SULT1C2: variants seen among roughly 807,000 people sequenced by gnomAD.
SULT1C2 encodes sulfotransferase 1C2.
A neutral mutation model predicts 36.0 loss-of-function variants in SULT1C2; 27 were observed. The observed-to-expected ratio is 0.75, with a 90% confidence interval of 0.55 to 1.03. SULT1C2 has a LOEUF of 1.03. Among genes scored for constraint, SULT1C2 ranks in the 50% least tolerant of loss-of-function variants. SULT1C2 has a pLI of 0.00. For synonymous variants in SULT1C2, 121 were observed against 116.0 expected (o/e 1.04, Z -0.27); for missense variants, 395 against 359.2 (o/e 1.10, Z -0.80).
chr2:108,304,767 C>G (rs1476811088), intron 5 of SULT1C2, 67 bp downstream of exon 5: 1 of 1,550,024 alleles, frequency 6.5e-7, no homozygotes, highest in Non-Finnish European at 8.7e-7. Context: ...GAACCACAGG[C>G]AGCATTTTAT....
At position 108,300,891 on chromosome 2, in the gene SULT1C2, T is replaced by C. The variant is rs1397747853; in HGVS notation, c.331T>C (p.Ser111Pro). ...TCCACGGATACTAAAGACTCACCTT[T>C]CCACTCAGCTGCTGCCACCGTCTTT... is the stretch of plus-strand genomic sequence containing the variant. ...PSPRILKTHL[S>P]TQLLPPSFWE... is the part of the protein sequence containing the mutation. The change falls in exon 4 of 8, where the codon TCC becomes CCC. Residue 111 changes from serine to proline, a missense_variant. Physicochemically the swap from Ser to Pro is moderately conservative, Grantham distance 74 (BLOSUM62 -1). Transcript: ENST00000251481. 1.2e-6 allele frequency: 2 copies of C among 1,614,100 alleles called. No individual in the cohort carries two copies. The highest frequency in any genetic ancestry group is 2.2e-5 in the South Asian group (2 of 91,072).
At chr2:108,297,712 G>C (rs1676770886) in intron 3 of SULT1C2, among the ~76,000 whole-genome samples, 1 of 152,134 alleles carries the variant, frequency 6.6e-6, no homozygotes, top group African/African-American at 2.4e-5. Flanking sequence ...CGAGGGTGTG[G>C]GGGGGCAGAA....
At chr2:108,295,727 T>C (rs979869529) in intron 3 of SULT1C2, among the ~76,000 whole-genome samples, 3 of 152,240 alleles carry the variant, frequency 2.0e-5, no homozygotes, top group Non-Finnish European at 2.9e-5. Flanking sequence ...ATCTACGTGT[T>C]AGCTATCTTT....
chr2:108,299,874 A>G (rs1676829028), intron 3 of SULT1C2: 1 of 152,248 alleles, frequency 6.6e-6, no homozygotes, highest in Non-Finnish European at 1.5e-5. Flanking sequence ...GTGGATATAC[A>G]ATGGAACATT....
chr2:108,298,729 C>A (rs1676801062), intron 3 of SULT1C2: 1 of 305,726 alleles, frequency 3.3e-6, no homozygotes, highest in Non-Finnish European at 6.4e-6. Context: ...TATTAGGTAC[C>A]CAATAACTGA....
At chr2:108,293,537 T>C (rs114944675) in intron 1 of SULT1C2, 110 bp from the exon 2 acceptor site, 11,642 of 995,228 alleles carry the variant, frequency 0.012, 96 homozygotes, top group Middle Eastern at 0.03. Flanking sequence ...AATGTGAATG[T>C]ACTTAATGCC....
At chr2:108,292,712 G>A (rs1342483167) in intron 1 of SULT1C2, among the ~76,000 whole-genome samples, 1 of 152,182 alleles carries the variant, frequency 6.6e-6, no homozygotes, top group Non-Finnish European at 1.5e-5. Flanking sequence ...GGAAGATGCT[G>A]TAACATTTCC....
intron 4 of SULT1C2, 70 bp from the exon 5 acceptor site, chr2:108,304,504 T>C (rs2104422937): frequency 1.3e-6 from 2 of 1,516,158 alleles, no homozygotes; most frequent in Non-Finnish European, 1.8e-6. Flanking sequence ...AGGATGGCTC[T>C]GCCTAAGGGA....
chr2:108,305,538 C>A lies in SULT1C2; in HGVS notation c.721C>A (p.Arg241Ser). The change falls in exon 7 of 8, where the codon CGT (arginine) becomes AGT (serine). Residue 241 changes from arginine (R) to serine (S), a missense_variant. By Grantham distance (110) the Arg-to-Ser change is moderately radical (BLOSUM62 -1). Transcript: ENST00000251481. ...AATGAAAGAAAATCCCATGACAAAT[C>A]GTTCTACAGTTTCCAAATCTATCTT... ...EKMKENPMTNRSTVSKSILDQ... is the reference protein window; with the variant it reads ...EKMKENPMTNSSTVSKSILDQ... 1.2e-6 allele frequency: 2 copies of A among 1,614,168 alleles called. No homozygotes were observed. Among genetic ancestry groups the A allele is most frequent in the Non-Finnish European group, 1.7e-6 (2 of 1,180,032 alleles).
At chr2:108,306,585 C>T (rs766475648) in intron 7 of SULT1C2, among the ~76,000 whole-genome samples, 3 of 150,044 alleles carry the variant, frequency 2.0e-5, no homozygotes, top group East Asian at 4.0e-4. Flanking sequence ...GCCTGGGTGA[C>T]AGAGAAAGAC....
At chr2:108,308,326 C>G in intron 7 of SULT1C2, 26 bp from the exon 8 acceptor site, 1 of 1,586,492 alleles carries the variant, frequency 6.3e-7, no homozygotes, top group Non-Finnish European at 8.6e-7. Context: ...CAGAGTGACA[C>G]TCCTGTCTGG....
At chr2:108,290,922 C>T (rs1279485854) in intron 1 of SULT1C2, among the ~76,000 whole-genome samples, 1 of 152,220 alleles carries the variant, frequency 6.6e-6, no homozygotes, top group Non-Finnish European at 1.5e-5. Context: ...CTATCACTAT[C>T]ACTGCCATAA....
At chr2:108,307,894 G>A (rs962801649) in intron 7 of SULT1C2, among the ~76,000 whole-genome samples, 3 of 152,054 alleles carry the variant, frequency 2.0e-5, no homozygotes, top group Non-Finnish European at 2.9e-5. Context: ...AGGGACAACC[G>A]TTTTTCCAAT....
intron 1 of SULT1C2, among the ~76,000 whole-genome samples, chr2:108,291,640 G>A (rs1676594250): frequency 6.6e-6 from 1 of 152,058 alleles, no homozygotes; most frequent in Non-Finnish European, 1.5e-5. Context: ...TTTAAAGAAG[G>A]AACATAGGAT....
chr2:108,304,659 G>A lies in SULT1C2; in HGVS notation c.461G>A (p.Gly154Asp), dbSNP rs745895637. 8 of 1,613,674 alleles carry A rather than the reference G, an allele frequency of 5.0e-6. No homozygotes were observed. Among genetic ancestry groups the A allele is most frequent in the African/African-American group, 1.3e-5 (1 of 74,992 alleles). ...ATGAACCACATGCTTCCTGACCCTG[G>A]TACCTGGGAAGAGTATTTTGAAACC... ...QRMNHMLPDP[G>D]TWEEYFETFI... Residue 154 changes from glycine to aspartate, a missense_variant, in exon 5 of 8, where the codon GGT becomes GAT. Gly to Asp is a moderately conservative substitution (Grantham distance 94). Coordinates refer to ENST00000251481, the MANE Select transcript of SULT1C2 (RefSeq NM_001056.4).
chr2:108,293,752 T>G lies in SULT1C2; in HGVS notation c.85T>G (p.Trp29Gly). Residue 29 changes from tryptophan to glycine, a missense_variant, in exon 2 of 8, where the codon TGG (tryptophan) becomes GGG (glycine). Trp to Gly is a radical substitution (Grantham distance 184). Transcript: ENST00000251481. ...TLLQPATVDN[W>G]SQIQSFEAKP... The stretch of plus-strand genomic sequence containing the variant: ...CCTGCAGCCTGCAACTGTGGACAAC[T>G]GGAGCCAGATCCAGAGCTTCGAGGC... 6.2e-7 allele frequency: 1 copy of G among 1,614,126 alleles called. No individual in the cohort carries two copies. The highest frequency in any genetic ancestry group is 8.5e-7 in the Non-Finnish European group (1 of 1,180,010).
rs1385231522 is a variant in SULT1C2, at chr2:108,306,692, G to A, written c.778+1097G>A. ...GGAGGCCTAGGCAGGCAGATCACGAGGTCAAGAGATCAAGACCAACCTGGC... is the reference window on the plus strand; with the variant it reads ...GGAGGCCTAGGCAGGCAGATCACGAAGTCAAGAGATCAAGACCAACCTGGC... On this transcript the variant is annotated intron_variant, in intron 7 of 7. Coordinates refer to ENST00000251481, the MANE Select transcript of SULT1C2 (RefSeq NM_001056.4). Among the ~76,000 whole-genome samples, 5 of 152,096 alleles carry A rather than the reference G, an allele frequency of 3.3e-5. No individual in the cohort carries two copies. The East Asian group carries it at 7.7e-4, about 23-fold the overall frequency.
At chr2:108,297,346 C>T (rs1348709793) in intron 3 of SULT1C2, among the ~76,000 whole-genome samples, 1 of 152,188 alleles carries the variant, frequency 6.6e-6, no homozygotes, top group East Asian at 1.9e-4. Flanking sequence ...GCCTCTGTCT[C>T]CTGCCAGACT....
chr2:108,291,207 T>C (rs1371569935), intron 1 of SULT1C2, among the ~76,000 whole-genome samples: 1 of 152,222 alleles, frequency 6.6e-6, no homozygotes, highest in Non-Finnish European at 1.5e-5. Flanking sequence ...TGTTCCCCTT[T>C]GTCTCTAAGC....
Sources: allele counts gnomAD v4.1 joint callset (sites outside exome capture counted in the v4.1 genomes callset), GRCh38; gene constraint gnomAD v4.1.1; transcripts MANE v1.5; gene names NCBI Gene and HGNC (gene_info 2026-07-23, HGNC 2026-07-21).